Variants in TTC39B observed in about 807,000 individuals in gnomAD.
TTC39B encodes the protein tetratricopeptide repeat domain 39B.
In TTC39B, 92 loss-of-function variants were observed where a neutral mutation model predicts 96.6. The ratio of observed to expected loss-of-function variants is 0.95; its 90% CI spans 0.80 to 1.13. TTC39B has a LOEUF of 1.13. Among genes scored for constraint, TTC39B ranks in the 50% most tolerant of loss-of-function variants. The pLI is 0.00. For missense variants in TTC39B, 955 were observed against 809.3 expected, an observed-to-expected ratio of 1.18 and a Z score of -2.18; for synonymous variants, 367 against 299.4, an observed-to-expected ratio of 1.23 and a Z score of -2.33.
At chr9:15,250,536 C>T (rs1235612642) in intron 2 of TTC39B, among the ~76,000 whole-genome samples, 2 of 152,048 alleles carry the variant, frequency 1.3e-5, no homozygotes, top group Non-Finnish European at 2.9e-5. Context: ...ATCAACTTTT[C>T]CCCTAAGTTT....
chr9:15,201,036 T>C (rs7467520), intron 7 of TTC39B, among the ~76,000 whole-genome samples: 95,823 of 152,114 alleles, frequency 0.63, 30,636 homozygotes, highest in East Asian at 0.88. Context: ...AAAGATGCTC[T>C]GATATGTATT....
chr9:15,240,566 A>G (rs1441155850), intron 2 of TTC39B, among the ~76,000 whole-genome samples: 3 of 152,184 alleles, frequency 2.0e-5, no homozygotes, highest in African/African-American at 7.2e-5. Context: ...AGTTAAGCAT[A>G]TATTTTGAGT....
chr9:15,228,638 T>C (rs1036450242), intron 2 of TTC39B, among the ~76,000 whole-genome samples: 1 of 152,216 alleles, frequency 6.6e-6, no homozygotes. Flanking sequence ...AGTCAAGTAT[T>C]TTATTTGTCT....
intron 1 of TTC39B, among the ~76,000 whole-genome samples, chr9:15,305,140 C>G (rs1045385383): frequency 5.3e-5 from 8 of 152,166 alleles, no homozygotes; most frequent in African/African-American, 1.4e-4. Context: ...TCTTCAAGCC[C>G]ATTTACGGTA....
intron 1 of TTC39B, among the ~76,000 whole-genome samples, chr9:15,298,402 T>C (rs1483027918): frequency 6.6e-6 from 1 of 152,134 alleles, no homozygotes; most frequent in Non-Finnish European, 1.5e-5. Flanking sequence ...ACTGCATAAT[T>C]TATAAAGAAA....
At chr9:15,221,238 G>A (rs1025152407) in intron 3 of TTC39B, among the ~76,000 whole-genome samples, 5 of 152,012 alleles carry the variant, frequency 3.3e-5, no homozygotes, top group Admixed American at 2.0e-4. Flanking sequence ...GCAATTTTCC[G>A]TTCCCATCAT....
intron 15 of TTC39B, 64 bp downstream of exon 15, chr9:15,186,880 A>C: frequency 7.0e-7 from 1 of 1,434,248 alleles, no homozygotes; most frequent in Non-Finnish European, 9.8e-7. Context: ...TATTTTCAGT[A>C]GAGATGAGAT....
chr9:15,257,932 G>A (rs1408093702), intron 2 of TTC39B, among the ~76,000 whole-genome samples: 3 of 151,948 alleles, frequency 2.0e-5, no homozygotes, highest in East Asian at 1.9e-4. Flanking sequence ...GGTGGCGGGC[G>A]CCTGTAATCC....
intron 1 of TTC39B, among the ~76,000 whole-genome samples, chr9:15,290,709 G>A (rs546887969): frequency 7.2e-5 from 11 of 152,286 alleles, no homozygotes; most frequent in Non-Finnish European, 1.2e-4. Context: ...TCCAGTGAAC[G>A]CTAATCAAAG....
At chr9:15,200,041 T>C (rs1308920471) in intron 7 of TTC39B, 116 bp from the exon 8 acceptor site, 4 of 563,334 alleles carry the variant, frequency 7.1e-6, no homozygotes, top group South Asian at 5.4e-5. Context: ...AAAAAGTATT[T>C]TGAGGACATA....
chr9:15,264,361 G>C (rs1230623506), intron 2 of TTC39B, among the ~76,000 whole-genome samples: 1 of 152,042 alleles, frequency 6.6e-6, no homozygotes, highest in Non-Finnish European at 1.5e-5. Context: ...GAAAAAAAAT[G>C]GGTAACTAGG....
Position 15,189,331 on chromosome 9 carries a change from A to G in TTC39B, c.1233+243T>C, listed in dbSNP as rs553303304. On this transcript the variant is annotated intron_variant, in intron 13 of 19. Transcript: ENST00000512701. ...CTTGTTATTTGGTATATATTACCCT[A>G]AAGTGCTTAATGTACTCTATGTATA... Among the ~76,000 whole-genome samples, 10 of 152,258 alleles carry G rather than the reference A, an allele frequency of 6.6e-5. No homozygotes were observed. The South Asian group carries it at 2.1e-3, about 32-fold the overall frequency.
At chr9:15,266,054 G>A (rs11788465) in intron 2 of TTC39B, among the ~76,000 whole-genome samples, 2 of 152,124 alleles carry the variant, frequency 1.3e-5, no homozygotes, top group African/African-American at 4.8e-5. Flanking sequence ...TCTGGATAAC[G>A]TATGGACTGT....
At chr9:15,280,322 A>G (rs1388805544) in intron 1 of TTC39B, among the ~76,000 whole-genome samples, 1 of 152,210 alleles carries the variant, frequency 6.6e-6, no homozygotes, top group Non-Finnish European at 1.5e-5. Flanking sequence ...CTCAAAGCCA[A>G]AAATATTTAC....
intron 2 of TTC39B, among the ~76,000 whole-genome samples, chr9:15,264,509 C>T (rs1164227638): frequency 6.6e-6 from 1 of 151,804 alleles, no homozygotes; most frequent in Non-Finnish European, 1.5e-5. Flanking sequence ...CAAAAATTAG[C>T]TGGACGTAGT....
At chr9:15,274,705 T>C (rs548726115) in intron 1 of TTC39B, among the ~76,000 whole-genome samples, 1 of 152,168 alleles carries the variant, frequency 6.6e-6, no homozygotes, top group Non-Finnish European at 1.5e-5. Flanking sequence ...AAATTTCAAG[T>C]ATCACACCTG....
At chr9:15,293,824 AG>A (rs1389961771) in intron 1 of TTC39B, among the ~76,000 whole-genome samples, 1 of 152,214 alleles carries the variant, frequency 6.6e-6, no homozygotes, top group Non-Finnish European at 1.5e-5. Flanking sequence ...CCAATCACCG[AG>A]TTTTGGTCCA....
In TTC39B at chr9:15,203,861, C is replaced by CG; in HGVS notation, c.720dup (p.Glu241ArgfsTer15). ...AGTGCAGCTTTCTGTAGGAGACACT[C>CG]GGCATAACAGATTTCAGCATGCATT... On this transcript the variant is annotated frameshift_variant, in exon 7 of 20. Transcript: ENST00000512701. LOFTEE classifies it high-confidence loss of function. The CG allele has an allele frequency of 6.2e-7, 1 of 1,613,026 alleles. No homozygotes were observed. Among genetic ancestry groups the CG allele is most frequent in the East Asian group, 2.2e-5 (1 of 44,860 alleles).
chr9:15,251,375 C>A (rs773984704), intron 2 of TTC39B, among the ~76,000 whole-genome samples: 102 of 151,626 alleles, frequency 6.7e-4, no homozygotes, highest in Non-Finnish European at 1.4e-3. Context: ...CCAGCCTGAC[C>A]AACATGGAGA....
Sources: gnomAD v4.1 joint callset for allele counts (sites outside exome capture counted in the v4.1 genomes callset) on GRCh38, gnomAD v4.1.1 for gene constraint, MANE v1.5 for transcripts, NCBI Gene and HGNC (gene_info 2026-07-23, HGNC 2026-07-21) for gene names.